CFAP20DC: variants seen among roughly 807,000 people sequenced by gnomAD.
CFAP20DC encodes the protein CFAP20 domain containing, also known as protein CFAP20DC.
In CFAP20DC, 84 loss-of-function variants were observed where a neutral mutation model predicts 101.7. That is an observed-to-expected ratio of 0.83 (90% CI 0.69 to 0.99). The LOEUF (loss-of-function observed/expected upper bound fraction) is 0.99, where lower values mean the gene tolerates loss of function less well. Among genes scored for constraint, CFAP20DC ranks in the 50% least tolerant of loss-of-function variants. The pLI, the probability that CFAP20DC is intolerant of heterozygous loss-of-function variation, is 0.00. For synonymous variants in CFAP20DC, 359 were observed against 351.2 expected (o/e 1.02, Z -0.25); for missense variants, 1,007 against 970.3 (o/e 1.04, Z -0.50).
chr3:58,830,597 T>C (rs538902737), intron 14 of CFAP20DC, among the ~76,000 whole-genome samples: 10 of 152,356 alleles, frequency 6.6e-5, no homozygotes, highest in African/African-American at 2.4e-4. Context: ...ATGTATTTAA[T>C]TAAATACTTA....
chr3:58,817,961 C>T (rs1457409783), intron 14 of CFAP20DC, among the ~76,000 whole-genome samples: 7 of 150,440 alleles, frequency 4.7e-5, no homozygotes, highest in African/African-American at 1.7e-4. Context: ...ACTCTACAAG[C>T]CAGAAGAGAG....
chr3:58,803,725 T>C (rs78704547), intron 15 of CFAP20DC, among the ~76,000 whole-genome samples: 12 of 152,228 alleles, frequency 7.9e-5, no homozygotes, highest in South Asian at 2.1e-4. Context: ...TGAACAGTTA[T>C]ATGATAATTT....
At chr3:59,029,675 T>G (rs1362888022) in intron 4 of CFAP20DC, among the ~76,000 whole-genome samples, 2 of 152,138 alleles carry the variant, frequency 1.3e-5, no homozygotes, top group Non-Finnish European at 2.9e-5. Flanking sequence ...CAATGGGAAC[T>G]TCAGTTGGTT....
chr3:58,845,060 G>A (rs2108245448), intron 13 of CFAP20DC, among the ~76,000 whole-genome samples: 1 of 140,614 alleles, frequency 7.1e-6, no homozygotes, highest in South Asian at 2.4e-4. Flanking sequence ...AGAGAAAGCA[G>A]GAAAGATCCA....
chr3:59,025,026 C>G (rs569015129), intron 4 of CFAP20DC, among the ~76,000 whole-genome samples: 2 of 152,248 alleles, frequency 1.3e-5, no homozygotes, highest in Admixed American at 1.3e-4. Flanking sequence ...TGAGAAAGCC[C>G]TGTTTATTAT....
chr3:58,726,726 C>A lies in CFAP20DC; in HGVS notation c.198-9098G>T, dbSNP rs181950382. ...CAGAAGAGATGAGAAGGACCCATCA[C>A]TTCCCTTCACACCATCAGAAGAGAT... is the stretch of plus-strand genomic sequence containing the variant. On this transcript the variant is annotated intron_variant, in intron 3 of 3. Transcript: ENST00000486145. 3.8e-3 allele frequency: 811 copies of A among 215,252 alleles called. 1 individual carries two copies. The highest frequency in any genetic ancestry group is 6.1e-3 in the Middle Eastern group (3 of 488). The allele number at this position is 215,252 out of a possible 1,614,324, so 13.3% of individuals were successfully genotyped here.
chr3:59,038,890 A>C (rs757173300), intron 4 of CFAP20DC, among the ~76,000 whole-genome samples: 7 of 152,154 alleles, frequency 4.6e-5, no homozygotes, highest in Non-Finnish European at 7.4e-5. Context: ...GCTATTAATT[A>C]CAAAGAAGAA....
chr3:58,739,956 G>A (rs73837942), downstream of CFAP20DC, among the ~76,000 whole-genome samples: 686 of 152,284 alleles, frequency 4.5e-3, 5 homozygotes, highest in African/African-American at 0.016. Flanking sequence ...TCAGATCACA[G>A]GGACTCCTTA....
At chr3:58,830,104 G>C (rs561622717) in intron 14 of CFAP20DC, among the ~76,000 whole-genome samples, 1 of 152,262 alleles carries the variant, frequency 6.6e-6, no homozygotes, top group South Asian at 2.1e-4. Context: ...TGGCACCAAG[G>C]CTGCCAGAGG....
intron 7 of CFAP20DC, among the ~76,000 whole-genome samples, chr3:58,879,307 T>G (rs1242166449): frequency 1.3e-5 from 2 of 152,120 alleles, no homozygotes; most frequent in Non-Finnish European, 2.9e-5. Flanking sequence ...CCCCATAAAT[T>G]TGTACAATTA....
chr3:58,816,168 T>C (rs1395458413), intron 14 of CFAP20DC, among the ~76,000 whole-genome samples: 1 of 151,936 alleles, frequency 6.6e-6, no homozygotes, highest in Non-Finnish European at 1.5e-5. Flanking sequence ...CACCATGGAA[T>C]ACTATGCAGC....
intron 15 of CFAP20DC, among the ~76,000 whole-genome samples, chr3:58,759,375 T>C (rs1333926544): frequency 6.6e-6 from 1 of 152,188 alleles, no homozygotes; most frequent in Admixed American, 6.6e-5. Context: ...ACCCACTTGT[T>C]GATGGGGTTG....
chr3:58,842,663 C>A (rs1331123884), intron 13 of CFAP20DC, among the ~76,000 whole-genome samples: 1 of 152,240 alleles, frequency 6.6e-6, no homozygotes, highest in South Asian at 2.1e-4. Context: ...GAGCCCGCCA[C>A]AGCTCAAGGA....
chr3:58,783,338 C>T (rs1260828746), intron 15 of CFAP20DC, among the ~76,000 whole-genome samples: 2 of 151,772 alleles, frequency 1.3e-5, no homozygotes, highest in Non-Finnish European at 2.9e-5. Flanking sequence ...TAGAAAAAAA[C>T]AGGAAAAACA....
chr3:58,965,494 A>G (rs1451418011), intron 4 of CFAP20DC, among the ~76,000 whole-genome samples: 7 of 152,130 alleles, frequency 4.6e-5, no homozygotes, highest in Non-Finnish European at 5.9e-5. Context: ...TAGGTTCTGG[A>G]GACAAGGGTA....
rs1001250001 is a variant in CFAP20DC, at chr3:58,899,083, G to A, written c.551-14374C>T. 1.3e-5 allele frequency among the ~76,000 whole-genome samples: 2 copies of A among 152,294 alleles called. No homozygotes were observed. Among genetic ancestry groups the A allele is most frequent in the East Asian group, 3.9e-4 (2 of 5,166 alleles). ...CCTCTGGAATCTCCATCCCAGGGGG[G>A]TACTGACCTGTTGCCAGCCTGAACT... On this transcript the variant is annotated intron_variant, in intron 6 of 16. Coordinates refer to ENST00000482387, the MANE Select transcript of CFAP20DC (RefSeq NM_001394063.1). This position sits in a 1 kb window ranked among gnomAD's most constrained non-coding sequence, Gnocchi z 5.0.
At chr3:58,960,525 T>C (rs1446724890) in intron 4 of CFAP20DC, among the ~76,000 whole-genome samples, 1 of 152,030 alleles carries the variant, frequency 6.6e-6, no homozygotes, top group Non-Finnish European at 1.5e-5. Flanking sequence ...TTTTATTTTT[T>C]TGATGATGTT....
chr3:58,748,646 G>A (rs2068366155), intron 16 of CFAP20DC, among the ~76,000 whole-genome samples: 1 of 152,184 alleles, frequency 6.6e-6, no homozygotes, highest in South Asian at 2.1e-4. Context: ...TTTATAATCT[G>A]AGAGTTGAGG....
chr3:58,843,297 C>G (rs1206471354), intron 13 of CFAP20DC, among the ~76,000 whole-genome samples: 1 of 151,438 alleles, frequency 6.6e-6, no homozygotes, highest in Non-Finnish European at 1.5e-5. Context: ...ACTAGAATAA[C>G]CAATACAGAG....
Sources: gnomAD v4.1 joint callset for allele counts (sites outside exome capture counted in the v4.1 genomes callset) on GRCh38, gnomAD v4.1.1 for gene constraint, Gnocchi (gnomAD v3.1) non-coding constraint, MANE v1.5 for transcripts, NCBI Gene and HGNC (gene_info 2026-07-23, HGNC 2026-07-21) for gene names.